The following ZBTB40 variants were observed in gnomAD, a reference collection of about 807,000 sequenced individuals.
ZBTB40 encodes the protein zinc finger and BTB domain containing 40.
ZBTB40 carries 60 observed loss-of-function variants against 117.5 expected under a neutral mutation model. The ratio of observed to expected loss-of-function variants is 0.51; its 90% CI spans 0.41 to 0.63. The LOEUF is 0.63. Ranked by LOEUF, ZBTB40 falls within the 30% of genes least tolerant of loss-of-function variation. The pLI, the probability that ZBTB40 is intolerant of heterozygous loss-of-function variation, is 0.00. For synonymous variants in ZBTB40, 525 were observed against 577.1 expected (o/e 0.91, Z 1.29); for missense variants, 1,287 against 1,498.5 (o/e 0.86, Z 2.33).
exon 1 of ZBTB40, among the ~76,000 whole-genome samples, chr1:22,428,916 C>A (rs567665147): frequency 6.6e-6 from 1 of 152,182 alleles, no homozygotes; most frequent in Non-Finnish European, 1.5e-5. Flanking sequence ...TTTCTTCTTT[C>A]CAGTTACCTC....
intron 12 of ZBTB40, among the ~76,000 whole-genome samples, chr1:22,516,896 C>T (rs1488867323): frequency 2.0e-5 from 3 of 152,184 alleles, no homozygotes; most frequent in Non-Finnish European, 2.9e-5. Flanking sequence ...TCTGAATCCA[C>T]GACTCTCACC....
chr1:22,511,761 A>AAAGGCAGCCAAAG lies in ZBTB40; in HGVS notation c.2092_2104dup (p.Asp702GlyfsTer13), dbSNP rs1202288641. On this transcript the variant is annotated frameshift_variant, in exon 11 of 18. Coordinates refer to ENST00000375647, the MANE Select transcript of ZBTB40 (RefSeq NM_014870.4). LOFTEE classifies it high-confidence loss of function. ...TTGAAGCCAACAACAAAGAAGATGAAAAGGCAGCCAAAGAAGACAGCCAGC... is the reference window on the plus strand; with the variant it reads ...TTGAAGCCAACAACAAAGAAGATGAAAAGGCAGCCAAAGAAGGCAGCCAAAGAAGACAGCCAGC... 1 of 1,609,040 alleles carries AAAGGCAGCCAAAG rather than the reference A, an allele frequency of 6.2e-7. No homozygotes were observed. Among genetic ancestry groups the AAAGGCAGCCAAAG allele is most frequent in the Admixed American group, 1.7e-5 (1 of 58,782 alleles).
intron 16 of ZBTB40, among the ~76,000 whole-genome samples, chr1:22,522,796 C>T (rs911791378): frequency 1.8e-4 from 27 of 149,814 alleles, no homozygotes; most frequent in African/African-American, 5.7e-4. Flanking sequence ...GACAGAGTCT[C>T]ACTCTGTCAC....
chr1:22,486,693 A>T (rs1569827506), intron 1 of ZBTB40, among the ~76,000 whole-genome samples: 1 of 150,584 alleles, frequency 6.6e-6, no homozygotes, highest in Non-Finnish European at 1.5e-5. Flanking sequence ...ACTTGTTCCT[A>T]CAGAGGCGTT....
chr1:22,453,079 G>T (rs979812087), intron 1 of ZBTB40: 1 of 152,232 alleles, frequency 6.6e-6, no homozygotes, highest in Non-Finnish European at 1.5e-5. Flanking sequence ...GATGGCACCG[G>T]TCAAACTGCT....
chr1:22,492,292 G>C (rs910960834), intron 3 of ZBTB40, among the ~76,000 whole-genome samples: 1 of 152,214 alleles, frequency 6.6e-6, no homozygotes, highest in East Asian at 1.9e-4. Context: ...CTTAGGAATC[G>C]CCTGACAGGA....
chr1:22,474,310 T>C (rs1487805139), intron 1 of ZBTB40, among the ~76,000 whole-genome samples: 1 of 152,232 alleles, frequency 6.6e-6, no homozygotes, highest in Non-Finnish European at 1.5e-5. Flanking sequence ...AGAGATACTA[T>C]CATGAACCCA....
At position 22,508,120 on chromosome 1, in the gene ZBTB40, G is replaced by A. The variant is rs774391940; in HGVS notation, c.1480G>A (p.Ala494Thr). 14 of 1,613,874 alleles carry A rather than the reference G, an allele frequency of 8.7e-6. No individual in the cohort carries two copies. Among genetic ancestry groups the A allele is most frequent in the Non-Finnish European group, 1.2e-5 (14 of 1,180,018 alleles). The change falls in exon 7 of 18, where the codon GCC becomes ACC. Residue 494 changes from alanine to threonine, a missense_variant. Ala to Thr is a moderately conservative substitution (Grantham distance 58, BLOSUM62 0). Coordinates refer to ENST00000375647, the MANE Select transcript of ZBTB40 (RefSeq NM_014870.4). Reference sequence around the variant, plus strand: ...GATGATCTCACACATGACAAGTTTAGCCCCTGGAGAAAGAGAGGTAAGAGA... The same window carrying A: ...GATGATCTCACACATGACAAGTTTAACCCCTGGAGAAAGAGAGGTAAGAGA... ...LKMISHMTSL[A>T]PGEREVMEKL...
intron 1 of ZBTB40, among the ~76,000 whole-genome samples, chr1:22,487,601 T>C (rs898082158): frequency 6.6e-6 from 1 of 152,036 alleles, no homozygotes; most frequent in Non-Finnish European, 1.5e-5. Flanking sequence ...ACAGCTATAC[T>C]TTGCAATGTT....
intron 3 of ZBTB40, among the ~76,000 whole-genome samples, chr1:22,493,273 A>T (rs1189915003): frequency 6.6e-6 from 1 of 152,206 alleles, no homozygotes; most frequent in Admixed American, 6.5e-5. Context: ...TAGAGGTCAG[A>T]GTAGGAGCTC....
At chr1:22,436,914 A>G (rs1640677312) in intron 1 of ZBTB40, among the ~76,000 whole-genome samples, 2 of 152,168 alleles carry the variant, frequency 1.3e-5, no homozygotes, top group African/African-American at 4.8e-5. Context: ...TAGGGACAGA[A>G]AACAAATCAG....
In ZBTB40 at chr1:22,511,490, C is replaced by A. The variant is rs535666864; in HGVS notation, c.2002+143C>A. On this transcript the variant is annotated intron_variant, in intron 10 of 17. Transcript: ENST00000375647. ...ATATGCTCTGAATACCTAAAAAAGTCATGAGACATAGGGGGAAAATGTTCT... is the reference window on the plus strand; with the variant it reads ...ATATGCTCTGAATACCTAAAAAAGTAATGAGACATAGGGGGAAAATGTTCT... The A allele has an allele frequency of 3.2e-4, 424 of 1,316,268 alleles. 2 individuals carry two copies. The South Asian group carries it at 5.5e-3, about 17-fold the overall frequency. 81.5% of individuals were successfully genotyped at this position (1,316,268 alleles called of 1,614,324 possible).
intron 1 of ZBTB40, among the ~76,000 whole-genome samples, chr1:22,472,064 AAGG>A (rs1641420555): frequency 1.3e-5 from 2 of 152,156 alleles, no homozygotes; most frequent in Admixed American, 1.3e-4. Context: ...TCCCCTTAGT[AAGG>A]AGGATTGTTT....
chr1:22,516,962 G>C (rs1427035759), intron 12 of ZBTB40, among the ~76,000 whole-genome samples: 1 of 152,182 alleles, frequency 6.6e-6, no homozygotes, highest in Non-Finnish European at 1.5e-5. Context: ...CCAAACCCAC[G>C]TGTTTCTGGG....
intron 1 of ZBTB40, among the ~76,000 whole-genome samples, chr1:22,460,876 CA>C (rs1387031895): frequency 2.0e-5 from 3 of 152,174 alleles, no homozygotes; most frequent in Non-Finnish European, 4.4e-5. Flanking sequence ...AATTCACACC[CA>C]GATACTTCCT....
chr1:22,522,396 T>C lies in ZBTB40; in HGVS notation c.3231T>C (p.Cys1077=). The stretch of plus-strand genomic sequence containing the variant: ...TCACAGATATGAAGTTCCATGAATG[T>C]GACCAGTGTAAGGAGCTCTTCCCCA... ...AEHADMKFHE[C]DQCKELFPTP... is the part of the protein sequence containing the mutation. The change falls in exon 16 of 18, where the codon TGT becomes TGC. Residue 1077 remains cysteine (C), a synonymous_variant. Coordinates refer to ENST00000375647, the MANE Select transcript of ZBTB40 (RefSeq NM_014870.4). 1.2e-6 allele frequency: 2 copies of C among 1,614,228 alleles called. No individual in the cohort carries two copies. Among genetic ancestry groups the C allele is most frequent in the Non-Finnish European group, 1.7e-6 (2 of 1,180,046 alleles).
chr1:22,495,222 G>A (rs1638741675), intron 3 of ZBTB40, among the ~76,000 whole-genome samples: 1 of 152,152 alleles, frequency 6.6e-6, no homozygotes, highest in Admixed American at 6.5e-5. Flanking sequence ...ATGAAAGGTG[G>A]CAAAGCCATT....
chr1:22,515,740 T>G (rs1028936972), intron 12 of ZBTB40, among the ~76,000 whole-genome samples: 2 of 152,230 alleles, frequency 1.3e-5, no homozygotes, highest in African/African-American at 4.8e-5. Flanking sequence ...CCTTTTGCCA[T>G]GTATGGTAAC....
intron 1 of ZBTB40, among the ~76,000 whole-genome samples, chr1:22,465,775 C>G (rs779911880): frequency 1.4e-4 from 21 of 152,110 alleles, no homozygotes; most frequent in Non-Finnish European, 2.2e-4. Context: ...TTCAGCTGCC[C>G]CATGGGGGGC....
Sources: gnomAD v4.1 joint callset for allele counts (sites outside exome capture counted in the v4.1 genomes callset) on GRCh38, gnomAD v4.1.1 for gene constraint, MANE v1.5 for transcripts, NCBI Gene and HGNC (gene_info 2026-07-23, HGNC 2026-07-21) for gene names.